The following TRAK1 variants were observed in gnomAD, a reference collection of about 807,000 sequenced individuals.
The protein encoded by TRAK1 is trafficking kinesin protein 1, also known as trafficking kinesin-binding protein 1.
Under a neutral mutation model 92.1 loss-of-function variants are expected in TRAK1, and 33 were observed. That is an observed-to-expected ratio of 0.36 (90% CI 0.27 to 0.48). The LOEUF (loss-of-function observed/expected upper bound fraction) is 0.48, where lower values mean the gene tolerates loss of function less well. Among genes scored for constraint, TRAK1 ranks in the 20% least tolerant of loss-of-function variants. The pLI is 0.99. For synonymous variants in TRAK1, 521 were observed against 517.3 expected (o/e 1.01, Z -0.10); for missense variants, 1,123 against 1,257.9 (o/e 0.89, Z 1.62).
At chr3:42,070,106 C>T (rs1382263039) in intron 1 of TRAK1, among the ~76,000 whole-genome samples, 1 of 151,908 alleles carries the variant, frequency 6.6e-6, no homozygotes, top group African/African-American at 2.4e-5. Flanking sequence ...CCCGCCTTGG[C>T]CCCACAAAGG....
intron 4 of TRAK1, among the ~76,000 whole-genome samples, chr3:42,187,281 G>T (rs569474913): frequency 6.6e-6 from 1 of 152,320 alleles, no homozygotes; most frequent in East Asian, 1.9e-4. Context: ...TCGGTGAGCT[G>T]CCTGTATTGC....
chr3:42,053,874 C>T (rs929014389), intron 1 of TRAK1, among the ~76,000 whole-genome samples: 5 of 152,202 alleles, frequency 3.3e-5, no homozygotes, highest in East Asian at 1.9e-4. Flanking sequence ...ATCTCTGGCC[C>T]TGCAATCAGT....
chr3:42,023,830 T>C lies in TRAK1; in HGVS notation c.-519+9713T>C, dbSNP rs888504101. On this transcript the variant is annotated intron_variant, in intron 1 of 16. Coordinates refer to the TRAK1 transcript ENST00000487159. Reference sequence around the variant, plus strand: ...GTGCAGTGGCACAGTCTTGGCTCACTGCAGCCTCCGTCTCCCGGGTTCAAG... The same window carrying C: ...GTGCAGTGGCACAGTCTTGGCTCACCGCAGCCTCCGTCTCCCGGGTTCAAG... Among the ~76,000 whole-genome samples the C allele has an allele frequency of 3.6e-5, 5 of 139,372 alleles. No homozygotes were observed. The Admixed American group carries it at 3.9e-4, about 11-fold the overall frequency. The allele number at this position is 139,372 out of a possible 152,430, so 91.4% of individuals were successfully genotyped here.
chr3:42,217,180 G>A, intron 14 of TRAK1: 1 of 930,594 alleles, frequency 1.1e-6, no homozygotes, highest in Non-Finnish European at 1.3e-6. Context: ...TCTGTAGCAA[G>A]CATGAGGAGC....
chr3:42,079,916 A>G (rs895136510), intron 1 of TRAK1, among the ~76,000 whole-genome samples: 1 of 152,064 alleles, frequency 6.6e-6, no homozygotes, highest in South Asian at 2.1e-4. Context: ...TTTCACAATC[A>G]TTGCACCAGG....
intron 1 of TRAK1, among the ~76,000 whole-genome samples, chr3:42,049,051 G>A (rs1020431658): frequency 1.3e-5 from 2 of 151,210 alleles, no homozygotes; most frequent in Non-Finnish European, 2.9e-5. Context: ...TCATGCCCAG[G>A]TATTTTTTGG....
Position 42,210,006 on chromosome 3 carries a change from G to C in TRAK1, c.1963+21G>C, listed in dbSNP as rs73056517. The C allele has an allele frequency of 2.2e-3, 3,545 of 1,614,200 alleles. 2 individuals are homozygous for C. Among genetic ancestry groups the C allele is most frequent in the Non-Finnish European group, 2.6e-3 (3,042 of 1,180,042 alleles). On this transcript the variant is annotated intron_variant, in intron 14 of 15. Transcript: ENST00000327628. ...CTCAGGTGAGAGGTCCCAAGCACGT[G>C]TGACTGTCTCAGGCAGCAGAAGTTA...
chr3:42,083,310 A>C (rs983563116), upstream of TRAK1, among the ~76,000 whole-genome samples: 5 of 152,060 alleles, frequency 3.3e-5, no homozygotes, highest in African/African-American at 1.2e-4. Context: ...TATCTGCTTT[A>C]GGTCTGTGAA....
chr3:42,151,834 C>G (rs947714008), intron 2 of TRAK1, among the ~76,000 whole-genome samples: 2 of 152,176 alleles, frequency 1.3e-5, no homozygotes, highest in African/African-American at 4.8e-5. Flanking sequence ...TAGACACACA[C>G]CATTGCTTTG....
chr3:42,188,612 G>A (rs1040104752), intron 5 of TRAK1, among the ~76,000 whole-genome samples: 3 of 152,206 alleles, frequency 2.0e-5, no homozygotes, highest in African/African-American at 7.2e-5. Context: ...TGTTGGCTAG[G>A]TTACTTAACC....
chr3:42,149,485 G>C, intron 2 of TRAK1: 1 of 1,535,854 alleles, frequency 6.5e-7, no homozygotes, highest in Non-Finnish European at 8.7e-7. Context: ...CGTTTTACTT[G>C]ACGTTGATGG....
chr3:42,079,489 T>TTTG (rs1704328054), intron 1 of TRAK1, among the ~76,000 whole-genome samples: 2 of 149,918 alleles, frequency 1.3e-5, no homozygotes, highest in Admixed American at 6.7e-5. Flanking sequence ...TTTTTTTTTT[T>TTTG]TTTTGTTTTG....
At chr3:42,205,453 C>A (rs956430572) in intron 13 of TRAK1, among the ~76,000 whole-genome samples, 4 of 152,136 alleles carry the variant, frequency 2.6e-5, no homozygotes, top group Non-Finnish European at 4.4e-5. Context: ...ATTGTGAAAG[C>A]CAAAAAGCTA....
In TRAK1 at chr3:42,223,994, C is replaced by A; in HGVS notation, c.*257C>A. 3.2e-6 allele frequency: 2 copies of A among 634,474 alleles called. No homozygotes were observed. The highest frequency in any genetic ancestry group is 6.4e-5 in the East Asian group (2 of 31,484). 39.3% of individuals were successfully genotyped at this position (634,474 alleles called of 1,614,324 possible). ...AGGAAGTGCCCCTGCACTGTCATCACTCTCACGAGGACGTCACCTGTGCTA... is the reference window on the plus strand; with the variant it reads ...AGGAAGTGCCCCTGCACTGTCATCAATCTCACGAGGACGTCACCTGTGCTA... On this transcript the variant is annotated 3_prime_UTR_variant, in exon 16 of 16. Transcript: ENST00000327628. This position sits in a 1 kb window ranked among gnomAD's most constrained non-coding sequence, Gnocchi z 6.1.
At chr3:42,068,585 C>T (rs1408039382) in intron 1 of TRAK1, among the ~76,000 whole-genome samples, 1 of 152,170 alleles carries the variant, frequency 6.6e-6, no homozygotes, top group Non-Finnish European at 1.5e-5. Flanking sequence ...GCACTGAGGA[C>T]ACAACAGTGA....
At chr3:42,054,331 C>T (rs1263612144) in intron 1 of TRAK1, among the ~76,000 whole-genome samples, 1 of 152,198 alleles carries the variant, frequency 6.6e-6, no homozygotes, top group Non-Finnish European at 1.5e-5. Flanking sequence ...TGTCCTTCCT[C>T]ATCTGGTGCC....
intron 2 of TRAK1, among the ~76,000 whole-genome samples, chr3:42,150,967 A>G (rs1699887073): frequency 6.6e-6 from 1 of 152,166 alleles, no homozygotes. Flanking sequence ...AATTCTAGAG[A>G]TGCTCCTTTT....
intron 2 of TRAK1, among the ~76,000 whole-genome samples, chr3:42,168,464 A>T (rs1346722971): frequency 1.3e-5 from 2 of 152,216 alleles, no homozygotes; most frequent in African/African-American, 4.8e-5. Flanking sequence ...AAATTCACTG[A>T]GTTGTGCAAC....
intron 1 of TRAK1, among the ~76,000 whole-genome samples, chr3:42,109,966 CG>C (rs1553719246): frequency 4.0e-5 from 6 of 148,944 alleles, no homozygotes; most frequent in Non-Finnish European, 7.4e-5. Flanking sequence ...GTAGGGGTGG[CG>C]GGGGGGATGG....
Sources: allele counts gnomAD v4.1 joint callset (sites outside exome capture counted in the v4.1 genomes callset), GRCh38; gene constraint gnomAD v4.1.1; non-coding constraint Gnocchi (gnomAD v3.1); transcripts MANE v1.5; gene names NCBI Gene and HGNC (gene_info 2026-07-23, HGNC 2026-07-21).